CFTR: variants seen among roughly 807,000 people sequenced by gnomAD.
The protein encoded by CFTR is cystic fibrosis transmembrane conductance regulator.
Under a neutral mutation model 171.6 loss-of-function variants are expected in CFTR, and 181 were observed. That is an observed-to-expected ratio of 1.05 (90% confidence interval 0.93 to 1.19). The LOEUF is 1.19. Ranked by LOEUF, CFTR falls within the 50% of genes most tolerant of loss-of-function variation. The pLI is 0.00. For synonymous variants in CFTR, 583 were observed against 608.0 expected (o/e 0.96, Z 0.60); for missense variants, 1,968 against 1,734.7 (o/e 1.13, Z -2.39).
chr7:117,594,038 G>C (rs1792081269), intron 14 of CFTR, among the ~76,000 whole-genome samples: 1 of 152,110 alleles, frequency 6.6e-6, no homozygotes, highest in African/African-American at 2.4e-5. Context: ...GTGCTAGGTG[G>C]CATATATTTA....
In CFTR at chr7:117,520,286, A is replaced by G. The variant is rs1325926864; in HGVS notation, c.274-10613A>G. Among the ~76,000 whole-genome samples the G allele has an allele frequency of 2.0e-4, 29 of 146,824 alleles. No individual in the cohort carries two copies. The East Asian group carries it at 5.3e-3, about 27-fold the overall frequency. ...GTGAGTTTTTTTTTTTTTTTTTACA[A>G]TTAAAAGCTTTAATTTTTGAAAATT... is the stretch of plus-strand genomic sequence containing the variant. On this transcript the variant is annotated intron_variant, in intron 3 of 26. Transcript: ENST00000003084.
intron 11 of CFTR, among the ~76,000 whole-genome samples, chr7:117,571,715 T>C (rs535538694): frequency 6.6e-6 from 1 of 152,322 alleles, no homozygotes; most frequent in African/African-American, 2.4e-5. Flanking sequence ...GCTTGAGTTA[T>C]TAGTTTTCAA....
chr7:117,540,179 G>A lies in CFTR; in HGVS notation c.949G>A (p.Val317Met). ...SSAFFFSGFF[V>M]VFLSVLPYAL... ...AGCCTTCTTCTTCTCAGGGTTCTTTGTGGTGTTTTTATCTGTGCTTCCCTA... is the reference window on the plus strand; with the variant it reads ...AGCCTTCTTCTTCTCAGGGTTCTTTATGGTGTTTTTATCTGTGCTTCCCTA... The change falls in exon 8 of 27, where the codon GTG becomes ATG. Residue 317 changes from valine to methionine, a missense_variant. Val to Met is a conservative substitution (Grantham distance 21). Transcript: ENST00000003084. The A allele has an allele frequency of 6.2e-7, 1 of 1,614,008 alleles. No individual in the cohort carries two copies. Among genetic ancestry groups the A allele is most frequent in the Non-Finnish European group, 8.5e-7 (1 of 1,179,930 alleles).
At chr7:117,566,551 A>G (rs942000807) in intron 11 of CFTR, among the ~76,000 whole-genome samples, 4 of 152,114 alleles carry the variant, frequency 2.6e-5, no homozygotes, top group African/African-American at 4.8e-5. Context: ...ATAGGTAATT[A>G]AGCTTCAAAG....
At chr7:117,536,894 A>G (rs1471467707) in intron 7 of CFTR, among the ~76,000 whole-genome samples, 1 of 152,168 alleles carries the variant, frequency 6.6e-6, no homozygotes, top group Non-Finnish European at 1.5e-5. Flanking sequence ...CTGCAAGTAT[A>G]TTATACTGAT....
At chr7:117,592,704 G>C in intron 14 of CFTR, 47 bp downstream of exon 14, 1 of 1,452,904 alleles carries the variant, frequency 6.9e-7, no homozygotes, top group Admixed American at 2.5e-5. Context: ...GAATGCAATT[G>C]AGTAGAATGC....
chr7:117,601,356 A>G (rs1341647460), intron 15 of CFTR, among the ~76,000 whole-genome samples: 1 of 152,134 alleles, frequency 6.6e-6, no homozygotes, highest in Non-Finnish European at 1.5e-5. Context: ...AGTGCATAGA[A>G]GCTCTGTGTA....
At chr7:117,509,865 C>T (rs1798487810) in intron 3 of CFTR, among the ~76,000 whole-genome samples, 1 of 152,080 alleles carries the variant, frequency 6.6e-6, no homozygotes, top group Non-Finnish European at 1.5e-5. Context: ...GTTTAATCTT[C>T]TTGTTAAAGC....
intron 21 of CFTR, among the ~76,000 whole-genome samples, chr7:117,621,959 G>A (rs544264959): frequency 1.3e-5 from 2 of 152,284 alleles, no homozygotes; most frequent in East Asian, 1.9e-4. Flanking sequence ...ATTTTGAAAC[G>A]TTGGTGTTAA....
chr7:117,623,437 A>G (rs1279126360), intron 21 of CFTR, among the ~76,000 whole-genome samples: 4 of 152,228 alleles, frequency 2.6e-5, no homozygotes, highest in African/African-American at 9.6e-5. Context: ...ATTGCTGAAT[A>G]TGAATTTCTA....
At chr7:117,619,712 G>A (rs1391357815) in intron 21 of CFTR, among the ~76,000 whole-genome samples, 1 of 152,154 alleles carries the variant, frequency 6.6e-6, no homozygotes, top group Non-Finnish European at 1.5e-5. Context: ...GTTCAACTGT[G>A]TGTTTCTAAT....
intron 21 of CFTR, among the ~76,000 whole-genome samples, chr7:117,626,611 C>T (rs542785651): frequency 3.9e-5 from 6 of 152,046 alleles, no homozygotes; most frequent in African/African-American, 7.2e-5. Flanking sequence ...TGAGTGAATT[C>T]GGTCTTCAAA....
In CFTR at chr7:117,603,529, C is replaced by G. The variant is rs1402820914; in HGVS notation, c.2658-3C>G. ...AAATAACGATTTCCTATTTGCTTTA[C>G]AGCACTCCTCTTCAAGACAAAGGGA... On this transcript the variant is annotated splice_region_variant and splice_polypyrimidine_tract_variant and intron_variant, in intron 16 of 26. Transcript: ENST00000003084. 1 of 1,613,818 alleles carries G rather than the reference C, an allele frequency of 6.2e-7. No homozygotes were observed. The highest frequency in any genetic ancestry group is 1.1e-5 in the South Asian group (1 of 91,064).
intron 22 of CFTR, among the ~76,000 whole-genome samples, chr7:117,633,149 T>A (rs570861325): frequency 6.6e-6 from 1 of 152,316 alleles, no homozygotes; most frequent in Non-Finnish European, 1.5e-5. Flanking sequence ...TTCATCATTA[T>A]GAAATATTTC....
intron 22 of CFTR, among the ~76,000 whole-genome samples, chr7:117,635,323 A>G (rs1216611304): frequency 6.6e-6 from 1 of 152,038 alleles, no homozygotes; most frequent in Non-Finnish European, 1.5e-5. Context: ...TTTAGTTTAT[A>G]TGTGGTTTTA....
chr7:117,485,474 C>T lies in CFTR; in HGVS notation c.53+5327C>T, dbSNP rs556156854. On this transcript the variant is annotated intron_variant, in intron 1 of 26. Coordinates refer to ENST00000003084, the MANE Select transcript of CFTR (RefSeq NM_000492.4). Reference sequence around the variant, plus strand: ...TCAAGTGCATTATCATGGAGGAAAACATTGCTATTTCTGTTGGTTCTCTTC... The same window carrying T: ...TCAAGTGCATTATCATGGAGGAAAATATTGCTATTTCTGTTGGTTCTCTTC... Among the ~76,000 whole-genome samples, 11 of 152,258 alleles carry T rather than the reference C, an allele frequency of 7.2e-5. No individual in the cohort carries two copies. In the South Asian group the frequency reaches 2.3e-3, roughly 32 times the overall value.
chr7:117,642,547 C>G lies in CFTR; in HGVS notation c.3827C>G (p.Ser1276Ter). The change falls in exon 23 of 27, where the codon TCA (serine) becomes TGA (stop). Residue 1276 changes from serine to a stop codon, truncating the protein, a stop_gained. Coordinates refer to ENST00000003084, the MANE Select transcript of CFTR (RefSeq NM_000492.4). LOFTEE classifies it high-confidence loss of function. Reference protein sequence around the residue: ...EIQIDGVSWDSITLQQWRKAF... With the variant: ...EIQIDGVSWD Reference sequence around the variant, plus strand: ...CAGATCGATGGTGTGTCTTGGGATTCAATAACTTTGCAACAGTGGAGGAAA... The same window carrying G: ...CAGATCGATGGTGTGTCTTGGGATTGAATAACTTTGCAACAGTGGAGGAAA... The G allele has an allele frequency of 6.2e-7, 1 of 1,613,542 alleles. No homozygotes were observed. The highest frequency in any genetic ancestry group is 8.5e-7 in the Non-Finnish European group (1 of 1,179,712).
rs1050298935 is a variant in CFTR at position 117,611,727 on chromosome 7, C to T, written c.3286C>T (p.Leu1096=). 6.2e-7 allele frequency: 1 copy of T among 1,613,556 alleles called. No individual in the cohort carries two copies. The highest frequency in any genetic ancestry group is 8.5e-7 in the Non-Finnish European group (1 of 1,179,702). Residue 1096 remains leucine (L), a synonymous_variant, in exon 20 of 27, where the codon CTG becomes TTG. Transcript: ENST00000003084. ...CAACTGGTTCTTGTACCTGTCAACA[C>T]TGCGCTGGTTCCAAATGAGAATAGA... ...TANWFLYLST[L]RWFQMRIEMI...
intron 3 of CFTR, among the ~76,000 whole-genome samples, chr7:117,514,547 C>T (rs1224385524): frequency 6.6e-6 from 1 of 152,122 alleles, no homozygotes; most frequent in Non-Finnish European, 1.5e-5. Context: ...TTTTCTTTAT[C>T]CAGTCTGTCA....
Sources: gnomAD v4.1 joint callset for allele counts (sites outside exome capture counted in the v4.1 genomes callset) on GRCh38, gnomAD v4.1.1 for gene constraint, MANE v1.5 for transcripts, NCBI Gene and HGNC (gene_info 2026-07-23, HGNC 2026-07-21) for gene names.